Variants in PPFIA1 observed in about 807,000 individuals in gnomAD.
PPFIA1 encodes liprin-alpha-1.
In PPFIA1, 25 loss-of-function variants were observed where a neutral mutation model predicts 149.9. The observed-to-expected ratio is 0.17, with a 90% confidence interval of 0.12 to 0.23. The LOEUF is 0.23. Ranked by LOEUF, PPFIA1 falls within the 10% of genes least tolerant of loss-of-function variation. The pLI is 1.00. For synonymous variants in PPFIA1, 549 were observed against 552.8 expected (o/e 0.99, Z 0.10); for missense variants, 1,362 against 1,506.5 (o/e 0.90, Z 1.59).
At chr11:70,337,271 G>A (rs1239458803) in intron 11 of PPFIA1, 94 bp from the exon 12 acceptor site, 2 of 855,724 alleles carry the variant, frequency 2.3e-6, no homozygotes, top group Non-Finnish European at 3.5e-6. Flanking sequence ...CGTTCCCTTT[G>A]TGTGGTCCTT....
chr11:70,278,815 T>G (rs937711210), intron 2 of PPFIA1: 1 of 357,038 alleles, frequency 2.8e-6, no homozygotes, highest in African/African-American at 2.2e-5. Context: ...AAGGCAGAAT[T>G]GTGTTTTTCA....
chr11:70,336,819 A>G (rs1298512404), intron 11 of PPFIA1, among the ~76,000 whole-genome samples: 1 of 152,198 alleles, frequency 6.6e-6, no homozygotes, highest in Non-Finnish European at 1.5e-5. Flanking sequence ...GGGACTCAGA[A>G]ACTGCCCTGA....
Position 70,332,114 on chromosome 11 carries a change from T to G in PPFIA1, c.1212+20T>G. The G allele has an allele frequency of 6.4e-7, 1 of 1,569,976 alleles. No individual in the cohort carries two copies. Among genetic ancestry groups the G allele is most frequent in the Non-Finnish European group, 8.6e-7 (1 of 1,161,664 alleles). ...TCCAAGGTAGTGCCATGAGCTTCAT[T>G]CTGGTTCGGCTGCCAGGCCTGTGAC... On this transcript the variant is annotated intron_variant, in intron 9 of 27. Coordinates refer to ENST00000253925, the MANE Select transcript of PPFIA1 (RefSeq NM_003626.5).
At chr11:70,286,757 T>TC (rs1479345795) in intron 2 of PPFIA1, among the ~76,000 whole-genome samples, 33 of 145,642 alleles carry the variant, frequency 2.3e-4, no homozygotes, top group African/African-American at 4.5e-4. Context: ...TTTCTTTCTT[T>TC]TTTTTTTTTT....
rs1404288094 is a variant in PPFIA1, at chr11:70,372,280, C to T, written c.2931C>T (p.Leu977=). 1.2e-6 allele frequency: 2 copies of T among 1,614,214 alleles called. No homozygotes were observed. The highest frequency in any genetic ancestry group is 4.5e-5 in the East Asian group (2 of 44,888). ...ACGAGTGGCTCCCCAGCCTGGGCCT[C>T]CCCCAGTACCGCAGCTACTTCATGG... is the stretch of plus-strand genomic sequence containing the variant. ...IGNEWLPSLG[L]PQYRSYFMEC... The change falls in exon 22 of 28, where the codon CTC becomes CTT. Residue 977 remains leucine, a synonymous_variant. Transcript: ENST00000253925.
intron 21 of PPFIA1, among the ~76,000 whole-genome samples, chr11:70,366,594 A>G (rs1397605067): frequency 6.6e-6 from 1 of 151,684 alleles, no homozygotes; most frequent in Non-Finnish European, 1.5e-5. Flanking sequence ...GTGCGACGCC[A>G]CTGGCCTTCT....
At position 70,278,033 on chromosome 11, in the gene PPFIA1, C is replaced by T. The variant is rs193087153; in HGVS notation, c.264+5597C>T. ...TCAAGCAATTCTCCTGCCTCAGCCG[C>T]CCGAGTAGCTGGAACTACAAGCACG... On this transcript the variant is annotated intron_variant, in intron 2 of 27. Coordinates refer to ENST00000253925, the MANE Select transcript of PPFIA1 (RefSeq NM_003626.5). 3.4e-3 allele frequency among the ~76,000 whole-genome samples: 512 copies of T among 151,846 alleles called. 1 individual carries two copies. Among genetic ancestry groups the T allele is most frequent in the Non-Finnish European group, 6.3e-3 (425 of 67,954 alleles).
rs1161546794 is a variant in PPFIA1, at chr11:70,295,320, T to C, written c.264+22884T>C. On this transcript the variant is annotated intron_variant, in intron 2 of 27. Coordinates refer to ENST00000253925, the MANE Select transcript of PPFIA1 (RefSeq NM_003626.5). ...CTCCCTCCCGGATGGGGCGGCTGGC[T>C]GGGCGGGGGGCTGACCCCCCCCACC... Among the ~76,000 whole-genome samples, 169 of 97,720 alleles carry C rather than the reference T, an allele frequency of 1.7e-3. 1 individual carries two copies. Among genetic ancestry groups the C allele is most frequent in the Admixed American group, 3.3e-3 (31 of 9,354 alleles). The allele number at this position is 97,720 out of a possible 152,430, so 64.1% of individuals were successfully genotyped here. A position where few individuals can be genotyped will look rare whatever the true frequency, so the allele number is the denominator to read the frequency against.
intron 2 of PPFIA1, chr11:70,284,096 A>C: frequency 2.1e-6 from 1 of 481,662 alleles, no homozygotes; most frequent in South Asian, 1.6e-5. Flanking sequence ...TGAGTGCTGC[A>C]AACAAGGTAC....
At chr11:70,358,039 A>G (rs1454418224) in intron 19 of PPFIA1, among the ~76,000 whole-genome samples, 1 of 152,200 alleles carries the variant, frequency 6.6e-6, no homozygotes, top group Non-Finnish European at 1.5e-5. Flanking sequence ...AGTATGAGGA[A>G]GTGAAATAAA....
intron 2 of PPFIA1, among the ~76,000 whole-genome samples, chr11:70,295,430 G>T (rs1184359769): frequency 2.8e-5 from 4 of 141,650 alleles, no homozygotes; most frequent in Non-Finnish European, 4.6e-5. Context: ...GGGCACAGGG[G>T]CTCCTCACTT....
At chr11:70,285,679 CA>C (rs111860640) in intron 2 of PPFIA1, among the ~76,000 whole-genome samples, 12,239 of 82,312 alleles carry the variant, frequency 0.15, 1,701 homozygotes, top group African/African-American at 0.4. Context: ...GACTCTGTCT[CA>C]AAAAAAAAAA....
intron 2 of PPFIA1, among the ~76,000 whole-genome samples, chr11:70,286,657 G>A (rs778682060): frequency 7.2e-5 from 11 of 151,858 alleles, no homozygotes; most frequent in African/African-American, 1.9e-4. Flanking sequence ...TCTCAGACCC[G>A]AACCCTTTGT....
At chr11:70,338,486 C>G (rs1201515889) in intron 13 of PPFIA1, 33 bp downstream of exon 13, 9 of 1,557,666 alleles carry the variant, frequency 5.8e-6, no homozygotes, top group Non-Finnish European at 8.0e-6. Context: ...GCCATATTGT[C>G]AGCACCTGTG....
At position 70,372,265 on chromosome 11, in the gene PPFIA1, C is replaced by T; in HGVS notation, c.2916C>T (p.Leu972=). The T allele has an allele frequency of 3.1e-6, 5 of 1,614,184 alleles. No individual in the cohort carries two copies. Among genetic ancestry groups the T allele is most frequent in the Non-Finnish European group, 4.2e-6 (5 of 1,180,026 alleles). The change falls in exon 22 of 28, where the codon CTC becomes CTT. Residue 972 remains leucine, a synonymous_variant. Transcript: ENST00000253925. ...ACGAGTGGATCGGCAACGAGTGGCTCCCCAGCCTGGGCCTCCCCCAGTACC... is the reference window on the plus strand; with the variant it reads ...ACGAGTGGATCGGCAACGAGTGGCTTCCCAGCCTGGGCCTCCCCCAGTACC... The part of the protein sequence containing the change: ...MNHEWIGNEW[L]PSLGLPQYRS...
intron 2 of PPFIA1, among the ~76,000 whole-genome samples, chr11:70,291,333 G>T (rs577973386): frequency 3.4e-4 from 52 of 152,168 alleles, no homozygotes; most frequent in Non-Finnish European, 5.6e-4. Flanking sequence ...AGATGATTTC[G>T]AATAGCCTGA....
intron 2 of PPFIA1, among the ~76,000 whole-genome samples, chr11:70,296,210 G>A (rs1237326214): frequency 6.6e-6 from 1 of 151,414 alleles, no homozygotes; most frequent in Non-Finnish European, 1.5e-5. Flanking sequence ...CGGCAGCCAG[G>A]CAGAGGGGCT....
Position 70,325,541 on chromosome 11 carries a change from G to C in PPFIA1, c.573G>C (p.Leu191Phe). The C allele has an allele frequency of 1.9e-6, 3 of 1,593,824 alleles. No homozygotes were observed. The highest frequency in any genetic ancestry group is 2.6e-6 in the Non-Finnish European group (3 of 1,161,740). Residue 191 changes from leucine to phenylalanine, a missense_variant, in exon 5 of 28, where the codon TTG (leucine) becomes TTC (phenylalanine). Coordinates refer to ENST00000253925, the MANE Select transcript of PPFIA1 (RefSeq NM_003626.5). Reference protein sequence around the residue: ...RLRVALERCSLLEEELGATHK... With the variant: ...RLRVALERCSFLEEELGATHK... ...GAGTAGCACTTGAAAGATGTAGTTT[G>C]TTAGAAGAGGAATTAGGTGCCACAC...
intron 21 of PPFIA1, chr11:70,364,301 G>A (rs888158673): frequency 6.6e-6 from 1 of 152,166 alleles, no homozygotes; most frequent in Non-Finnish European, 1.5e-5. Context: ...GTCCCTCAAA[G>A]TCCTTAAGAA....
Sources: allele counts gnomAD v4.1 joint callset (sites outside exome capture counted in the v4.1 genomes callset), GRCh38; gene constraint gnomAD v4.1.1; transcripts MANE v1.5; gene names NCBI Gene and HGNC (gene_info 2026-07-23, HGNC 2026-07-21).